Variants in CAMTA1 observed in about 807,000 individuals in gnomAD.
CAMTA1 encodes calmodulin binding transcription activator 1.
A neutral mutation model predicts 170.9 loss-of-function variants in CAMTA1; 27 were observed. That is an observed-to-expected ratio of 0.16 (90% CI 0.12 to 0.22). The LOEUF is 0.22. Among genes scored for constraint, CAMTA1 ranks in the 10% least tolerant of loss-of-function variants. The probability of loss-of-function intolerance (pLI) is 1.00; values close to 1 mark genes in which losing one functional copy is unlikely to be tolerated. For missense variants in CAMTA1, 1,619 were observed against 2,217.2 expected (o/e 0.73, Z 5.42); for synonymous variants, 833 against 891.5 (o/e 0.93, Z 1.17).
At chr1:7,310,698 CTCTCTTTCTTTCTTTCTT>C (rs1245391268) in intron 5 of CAMTA1, among the ~76,000 whole-genome samples, 1 of 52,624 alleles carries the variant, frequency 1.9e-5, no homozygotes, top group African/African-American at 1.0e-4. Flanking sequence ...CTCTCTCTCT[CTCTCTTTCTTTCTTTCTT>C]TCTTTCTTTC....
intron 3 of CAMTA1, among the ~76,000 whole-genome samples, chr1:6,827,794 AAAGTT>A (rs1647654494): frequency 6.6e-6 from 1 of 152,208 alleles, no homozygotes; most frequent in Admixed American, 6.5e-5. Context: ...CTCATAAAGT[AAAGTT>A]TAGTCAGACT....
intron 3 of CAMTA1, among the ~76,000 whole-genome samples, chr1:6,917,021 G>A (rs1377567736): frequency 6.6e-6 from 1 of 152,168 alleles, no homozygotes; most frequent in East Asian, 1.9e-4. Context: ...CTGAGCAAGT[G>A]GTGTCTAAGC....
chr1:7,193,895 G>A (rs1363740312), intron 4 of CAMTA1, among the ~76,000 whole-genome samples: 1 of 152,158 alleles, frequency 6.6e-6, no homozygotes, highest in African/African-American at 2.4e-5. Flanking sequence ...TTCCATTAAT[G>A]TCTCCCACCA....
At chr1:7,395,919 A>G (rs1339743750) in intron 5 of CAMTA1, among the ~76,000 whole-genome samples, 1 of 152,114 alleles carries the variant, frequency 6.6e-6, no homozygotes, top group Non-Finnish European at 1.5e-5. Flanking sequence ...TTTATTTCCT[A>G]CAACTTTACT....
chr1:7,543,174 C>G (rs144118263), intron 6 of CAMTA1, among the ~76,000 whole-genome samples: 8 of 152,312 alleles, frequency 5.3e-5, no homozygotes, highest in African/African-American at 1.9e-4. Flanking sequence ...GCCTAAAACA[C>G]AGTTTTTAAT....
intron 3 of CAMTA1, among the ~76,000 whole-genome samples, chr1:6,896,596 G>A (rs1246705613): frequency 1.3e-5 from 2 of 152,168 alleles, no homozygotes; most frequent in Non-Finnish European, 2.9e-5. Flanking sequence ...CAACATCCAA[G>A]CGTTCAGGAG....
intron 6 of CAMTA1, among the ~76,000 whole-genome samples, chr1:7,487,308 C>T (rs1230988243): frequency 2.0e-5 from 3 of 152,264 alleles, no homozygotes; most frequent in African/African-American, 7.2e-5. Flanking sequence ...AACCTTTACT[C>T]AGGGTCAAGC....
At chr1:6,966,863 C>G (rs1258248951) in intron 3 of CAMTA1, among the ~76,000 whole-genome samples, 1 of 151,784 alleles carries the variant, frequency 6.6e-6, no homozygotes, top group Admixed American at 6.5e-5. Context: ...CCATCCTCCT[C>G]AGCCTCCCAA....
intron 11 of CAMTA1, among the ~76,000 whole-genome samples, chr1:7,730,787 T>C (rs918066390): frequency 4.6e-5 from 7 of 152,038 alleles, no homozygotes; most frequent in Non-Finnish European, 1.0e-4. Flanking sequence ...TAGTCCCAGC[T>C]ACTTGGGTGG....
At position 6,979,742 on chromosome 1, in the gene CAMTA1, A is replaced by T. The variant is rs182560454; in HGVS notation, c.235-111562A>T. On this transcript the variant is annotated intron_variant, in intron 3 of 22. Coordinates refer to ENST00000303635, the MANE Select transcript of CAMTA1 (RefSeq NM_015215.4). ...CATGAAGCTGAGCTGGTGGTGGTGT[A>T]GCTGGGGGAGAGGACCCCCAGTGCT... 2.7e-4 allele frequency among the ~76,000 whole-genome samples: 41 copies of T among 152,296 alleles called. No individual in the cohort carries two copies. In the East Asian group the frequency reaches 7.3e-3, roughly 27 times the overall value.
chr1:7,068,482 A>G (rs1396388125), intron 3 of CAMTA1, among the ~76,000 whole-genome samples: 1 of 152,092 alleles, frequency 6.6e-6, no homozygotes, highest in East Asian at 1.9e-4. Flanking sequence ...GCCCAAAGAG[A>G]GGACGGCCTG....
At chr1:7,104,010 C>T (rs1379246697) in intron 4 of CAMTA1, among the ~76,000 whole-genome samples, 1 of 147,288 alleles carries the variant, frequency 6.8e-6, no homozygotes, top group Non-Finnish European at 1.5e-5. Context: ...ACACAACACA[C>T]TACACACATG....
At chr1:7,310,700 C>CTCTCTTTCTTTCTT (rs1361709842) in intron 5 of CAMTA1, among the ~76,000 whole-genome samples, 1 of 53,492 alleles carries the variant, frequency 1.9e-5, no homozygotes, top group East Asian at 3.6e-4. Context: ...CTCTCTCTCT[C>CTCTCTTTCTTTCTT]TCTTTCTTTC....
At chr1:7,314,435 G>A (rs1467428005) in intron 5 of CAMTA1, among the ~76,000 whole-genome samples, 1 of 152,226 alleles carries the variant, frequency 6.6e-6, no homozygotes, top group Non-Finnish European at 1.5e-5. Flanking sequence ...ATCCTTGTGG[G>A]TGGAGACAGT....
intron 6 of CAMTA1, among the ~76,000 whole-genome samples, chr1:7,503,353 C>T (rs1056010071): frequency 2.0e-5 from 3 of 152,142 alleles, no homozygotes; most frequent in Admixed American, 6.5e-5. Context: ...GGTGTGCTTA[C>T]GAAGGGGCTT....
chr1:7,162,228 G>A, intron 4 of CAMTA1, among the ~76,000 whole-genome samples: 1 of 152,188 alleles, frequency 6.6e-6, no homozygotes, highest in East Asian at 1.9e-4. Context: ...ATAGGTCATG[G>A]TAGGGAGCTA....
rs1691066629 is a variant in CAMTA1, at chr1:6,964,062, C to T, written c.235-127242C>T. Among the ~76,000 whole-genome samples the T allele has an allele frequency of 3.3e-5, 5 of 151,860 alleles. No homozygotes were observed. The South Asian group carries it at 1.0e-3, about 32-fold the overall frequency. The stretch of plus-strand genomic sequence containing the variant: ...GAGTGCCTGGGTAGGATACAGAATC[C>T]TGGGTGTCTGGTTTGGTTGCAGTGT... On this transcript the variant is annotated intron_variant, in intron 3 of 22. Coordinates refer to ENST00000303635, the MANE Select transcript of CAMTA1 (RefSeq NM_015215.4).
intron 5 of CAMTA1, among the ~76,000 whole-genome samples, chr1:7,331,623 C>T (rs1487319517): frequency 6.6e-6 from 1 of 152,182 alleles, no homozygotes; most frequent in Non-Finnish European, 1.5e-5. Flanking sequence ...TTATTATGAG[C>T]AGGGTCTAGA....
intron 6 of CAMTA1, among the ~76,000 whole-genome samples, chr1:7,632,139 G>A (rs2095674071): frequency 6.6e-6 from 1 of 152,204 alleles, no homozygotes; most frequent in East Asian, 1.9e-4. Flanking sequence ...AAGCATCCAG[G>A]TGCAGGGAAG....
Sources: allele counts gnomAD v4.1 joint callset (sites outside exome capture counted in the v4.1 genomes callset), GRCh38; gene constraint gnomAD v4.1.1; transcripts MANE v1.5; gene names NCBI Gene and HGNC (gene_info 2026-07-23, HGNC 2026-07-21).